The following NBEA variants were observed in gnomAD, a reference collection of about 807,000 sequenced individuals.
NBEA encodes the protein lysosomal-trafficking regulator 2.
In NBEA, 44 loss-of-function variants were observed where a neutral mutation model predicts 343.4. The observed-to-expected ratio is 0.13, with a 90% confidence interval of 0.10 to 0.16. NBEA has a LOEUF of 0.16. NBEA is among the 10% of genes least tolerant of loss of function. NBEA has a pLI of 1.00. For missense variants in NBEA, 2,555 were observed against 3,631.3 expected, an observed-to-expected ratio of 0.70 and a Z score of 7.62; for synonymous variants, 1,175 against 1,238.7, an observed-to-expected ratio of 0.95 and a Z score of 1.08.
chr13:35,280,594 C>T (rs1248765137), intron 34 of NBEA, among the ~76,000 whole-genome samples: 1 of 152,196 alleles, frequency 6.6e-6, no homozygotes, highest in South Asian at 2.1e-4. Flanking sequence ...TTGGTCTCAT[C>T]ATAATAAACT....
intron 49 of NBEA, 57 bp downstream of exon 49, chr13:35,628,305 T>A (rs1232697286): frequency 3.2e-6 from 4 of 1,250,682 alleles, no homozygotes; most frequent in East Asian, 5.4e-5. Flanking sequence ...AAACACAAAT[T>A]TGACATTTCA....
intron 38 of NBEA, among the ~76,000 whole-genome samples, chr13:35,395,695 T>C (rs1310081992): frequency 6.6e-6 from 1 of 152,290 alleles, no homozygotes; most frequent in Admixed American, 6.5e-5. Context: ...GTTTCTTTAC[T>C]AATATGTTTG....
At chr13:35,164,660 G>A (rs1300775593) in intron 24 of NBEA, 151 bp downstream of exon 24, 5 of 811,704 alleles carry the variant, frequency 6.2e-6, no homozygotes, top group South Asian at 1.7e-5. Context: ...CACCACTTTT[G>A]TTTATCAGTG....
In NBEA at chr13:35,159,589, C is replaced by G; in HGVS notation, c.3418C>G (p.Pro1140Ala). 6.2e-7 allele frequency: 1 copy of G among 1,612,022 alleles called. No individual in the cohort carries two copies. The highest frequency in any genetic ancestry group is 2.2e-5 in the East Asian group (1 of 44,750). ...ATTAGCAGATGAGAAAGAAGACCTT[C>G]CCAATAGTAGTACATCATTTCTCTT... ...ITLADEKEDL[P>A]NSSTSFLFDK... Residue 1140 changes from proline to alanine, a missense_variant, in exon 22 of 59, where the codon CCC becomes GCC. Around this residue, in one of 21 missense-constraint regions of NBEA, gnomAD observed 367 missense variants for 377.5 expected, o/e 0.97. Transcript: ENST00000379939.
intron 1 of NBEA, among the ~76,000 whole-genome samples, chr13:35,031,539 A>G (rs1021169044): frequency 6.6e-6 from 1 of 151,556 alleles, no homozygotes; most frequent in East Asian, 1.9e-4. Flanking sequence ...TGGTTAGAGA[A>G]CTGATAATTG....
intron 34 of NBEA, among the ~76,000 whole-genome samples, chr13:35,254,588 T>C (rs534601517): frequency 2.0e-5 from 3 of 152,210 alleles, no homozygotes; most frequent in African/African-American, 4.8e-5. Flanking sequence ...TCCCAAACTG[T>C]TGAAATTACA....
At chr13:35,632,106 A>G (rs926896097) in intron 49 of NBEA, among the ~76,000 whole-genome samples, 3 of 152,156 alleles carry the variant, frequency 2.0e-5, no homozygotes, top group African/African-American at 7.2e-5. Flanking sequence ...TTTTTCATAG[A>G]TGAGCTGTAC....
At chr13:35,512,104 C>T (rs948613369) in intron 41 of NBEA, among the ~76,000 whole-genome samples, 3 of 152,250 alleles carry the variant, frequency 2.0e-5, no homozygotes, top group Admixed American at 6.5e-5. Context: ...CAAACTCACC[C>T]GTCTTGAACT....
At chr13:35,446,254 G>T (rs537876497) in intron 39 of NBEA, among the ~76,000 whole-genome samples, 81 of 152,134 alleles carry the variant, frequency 5.3e-4, no homozygotes, top group African/African-American at 1.9e-3. Flanking sequence ...CTTTGCTATT[G>T]TGTATAGTGC....
In NBEA at chr13:35,320,526, C is replaced by T. The variant is rs181412315; in HGVS notation, c.5903+10934C>T. On this transcript the variant is annotated intron_variant, in intron 36 of 58. Coordinates refer to ENST00000379939, the MANE Select transcript of NBEA (RefSeq NM_001385012.1). ...GACCTTTCTCCCTGGCTGCCCTTAA[C>T]ATTTTTTCCTTCATTTCAACCTTGG... Among the ~76,000 whole-genome samples, 5 of 152,300 alleles carry T rather than the reference C, an allele frequency of 3.3e-5. No individual in the cohort carries two copies. In the East Asian group the frequency reaches 9.6e-4, roughly 29 times the overall value.
intron 35 of NBEA, among the ~76,000 whole-genome samples, chr13:35,304,763 T>A (rs898443354): frequency 6.6e-6 from 1 of 152,100 alleles, no homozygotes; most frequent in African/African-American, 2.4e-5. Flanking sequence ...TTTTAAAAAT[T>A]TTTTATATTT....
intron 11 of NBEA, among the ~76,000 whole-genome samples, chr13:35,099,504 A>G (rs2065527710): frequency 6.6e-6 from 1 of 152,020 alleles, no homozygotes; most frequent in South Asian, 2.1e-4. Flanking sequence ...CTGGCCTTAG[A>G]CTGTATCTCG....
intron 1 of NBEA, among the ~76,000 whole-genome samples, chr13:35,039,350 T>G (rs183311437): frequency 1.6e-3 from 237 of 152,330 alleles, no homozygotes; most frequent in South Asian, 3.9e-3. Context: ...TTAGCTCTTA[T>G]GAAGAAGCTT....
intron 38 of NBEA, among the ~76,000 whole-genome samples, chr13:35,400,663 A>G (rs530115113): frequency 2.0e-5 from 3 of 152,090 alleles, no homozygotes; most frequent in East Asian, 1.9e-4. Context: ...TACTGCCTCA[A>G]TCCACAATGA....
At chr13:35,444,656 C>G (rs901194384) in intron 39 of NBEA, among the ~76,000 whole-genome samples, 1 of 152,070 alleles carries the variant, frequency 6.6e-6, no homozygotes, top group East Asian at 1.9e-4. Flanking sequence ...GACCAGATTT[C>G]TATTCTGCCA....
At chr13:35,422,347 G>A (rs184885350) in intron 38 of NBEA, among the ~76,000 whole-genome samples, 3,732 of 133,484 alleles carry the variant, frequency 0.028, 152 homozygotes, top group African/African-American at 0.1. Context: ...CCCTTCCTGT[G>A]TCCATGTGTT....
At chr13:35,281,092 A>C (rs1326761346) in intron 34 of NBEA, among the ~76,000 whole-genome samples, 1 of 152,108 alleles carries the variant, frequency 6.6e-6, no homozygotes, top group African/African-American at 2.4e-5. Context: ...AGGATTTTCT[A>C]GTTAGGCAAA....
intron 1 of NBEA, among the ~76,000 whole-genome samples, chr13:34,989,618 A>G (rs950419344): frequency 5.3e-5 from 8 of 150,810 alleles, no homozygotes; most frequent in Non-Finnish European, 4.5e-5. Flanking sequence ...ACAGTTTGAC[A>G]TGAGGTTTGG....
At chr13:35,188,699 A>C (rs2071921841) in intron 30 of NBEA, among the ~76,000 whole-genome samples, 1 of 152,116 alleles carries the variant, frequency 6.6e-6, no homozygotes. Context: ...ATTGGGGTGC[A>C]CATACCTCTT....
Sources: gnomAD v4.1 joint callset for allele counts (sites outside exome capture counted in the v4.1 genomes callset) on GRCh38, gnomAD v4.1.1 for gene constraint, gnomAD v4.1.1 regional missense constraint, MANE v1.5 for transcripts, NCBI Gene and HGNC (gene_info 2026-07-23, HGNC 2026-07-21) for gene names.